TMEM135: variants seen among roughly 807,000 people sequenced by gnomAD.
The protein encoded by TMEM135 is peroxisomal membrane protein 52.
Under a neutral mutation model 60.3 loss-of-function variants are expected in TMEM135, and 30 were observed. The ratio of observed to expected loss-of-function variants is 0.50; its 90% confidence interval spans 0.37 to 0.68. The LOEUF (loss-of-function observed/expected upper bound fraction) is 0.68, where lower values mean the gene tolerates loss of function less well. Among genes scored for constraint, TMEM135 ranks in the 30% least tolerant of loss-of-function variants. The probability of loss-of-function intolerance (pLI) is 0.00; values close to 1 mark genes in which losing one functional copy is unlikely to be tolerated. For synonymous variants in TMEM135, 190 were observed against 186.7 expected, an observed-to-expected ratio of 1.02 and a Z score of -0.14; for missense variants, 468 against 548.8, an observed-to-expected ratio of 0.85 and a Z score of 1.47.
At chr11:87,112,029 T>C (rs1028743930) in intron 4 of TMEM135, among the ~76,000 whole-genome samples, 6 of 152,206 alleles carry the variant, frequency 3.9e-5, no homozygotes, top group Admixed American at 3.9e-4. Flanking sequence ...TTTTAAATAG[T>C]GATACCAGGA....
At chr11:87,153,731 A>T (rs745821138) in intron 4 of TMEM135, among the ~76,000 whole-genome samples, 1 of 152,228 alleles carries the variant, frequency 6.6e-6, no homozygotes, top group African/African-American at 2.4e-5. Context: ...AATTGACTCT[A>T]TCGCTAATTC....
At chr11:87,174,557 G>T (rs947561961) in intron 5 of TMEM135, among the ~76,000 whole-genome samples, 18 of 152,218 alleles carry the variant, frequency 1.2e-4, no homozygotes, top group African/African-American at 4.1e-4. Flanking sequence ...AGCATGTGGG[G>T]AGAATGGATA....
At position 87,066,779 on chromosome 11, in the gene TMEM135, C is replaced by CTTTT. The variant is rs201355341; in HGVS notation, c.142-912_142-911insTTTT. 1.2e-4 allele frequency among the ~76,000 whole-genome samples: 15 copies of CTTTT among 129,130 alleles called. 1 individual carries two copies. Among genetic ancestry groups the CTTTT allele is most frequent in the South Asian group, 2.5e-4 (1 of 4,040 alleles). The allele number at this position is 129,130 out of a possible 152,430, so 84.7% of individuals were successfully genotyped here. A position where few individuals can be genotyped will look rare whatever the true frequency, so the allele number is the denominator to read the frequency against. On this transcript the variant is annotated intron_variant, in intron 1 of 14. Coordinates refer to ENST00000305494, the MANE Select transcript of TMEM135 (RefSeq NM_022918.4). ...TACATACTTGTGTTGTTACTAGATTCTTTCTTTTTTTTTTTTTTTTGAGAC... is the reference window on the plus strand; with the variant it reads ...TACATACTTGTGTTGTTACTAGATTCTTTTTTTCTTTTTTTTTTTTTTTTGAGAC...
chr11:87,272,744 G>A (rs961091183), intron 6 of TMEM135, among the ~76,000 whole-genome samples: 1 of 152,116 alleles, frequency 6.6e-6, no homozygotes, highest in African/African-American at 2.4e-5. Context: ...CTACAGATGT[G>A]AGCCATCATA....
chr11:87,127,633 T>G (rs1937773523), intron 4 of TMEM135, among the ~76,000 whole-genome samples: 2 of 152,188 alleles, frequency 1.3e-5, no homozygotes, highest in South Asian at 4.1e-4. Context: ...TAGTCTTCAG[T>G]AGACTAAGTT....
intron 6 of TMEM135, among the ~76,000 whole-genome samples, chr11:87,237,468 G>A (rs1941023130): frequency 1.3e-5 from 2 of 152,010 alleles, no homozygotes; most frequent in South Asian, 4.1e-4. Flanking sequence ...ATTAAAATCT[G>A]TGCTTAATTA....
intron 4 of TMEM135, among the ~76,000 whole-genome samples, chr11:87,120,113 C>CTTTTTTT (rs200904925): frequency 1.5e-5 from 2 of 135,022 alleles, no homozygotes; most frequent in Admixed American, 7.8e-5. Flanking sequence ...TTTTCTTCTT[C>CTTTTTTT]TTCTTTTTTT....
chr11:87,130,647 T>C (rs1386694956), intron 4 of TMEM135, among the ~76,000 whole-genome samples: 1 of 152,104 alleles, frequency 6.6e-6, no homozygotes, highest in Non-Finnish European at 1.5e-5. Context: ...GTTAAACCTT[T>C]TGTAATTTTA....
In TMEM135 at chr11:87,321,299, C is replaced by A; in HGVS notation, c.1343C>A (p.Thr448Asn). ...FIPRLDPRYT[T>N]VTPELPTEFS The stretch of plus-strand genomic sequence containing the variant: ...CCCAGGTTGGATCCAAGATACACAA[C>A]TGTAACACCAGAGTTGCCCACAGAG... Residue 448 changes from threonine to asparagine, a missense_variant, in exon 15 of 15, where the codon ACT becomes AAT. Coordinates refer to ENST00000305494, the MANE Select transcript of TMEM135 (RefSeq NM_022918.4). The A allele has an allele frequency of 6.2e-7, 1 of 1,613,754 alleles. No homozygotes were observed. The highest frequency in any genetic ancestry group is 8.5e-7 in the Non-Finnish European group (1 of 1,179,720).
chr11:87,259,408 G>C (rs998943432), intron 6 of TMEM135: 1 of 235,692 alleles, frequency 4.2e-6, no homozygotes, highest in Non-Finnish European at 8.5e-6. Flanking sequence ...GTGTGTACGC[G>C]TGTAGAGCGG....
chr11:87,072,473 C>T (rs920362618), intron 3 of TMEM135, among the ~76,000 whole-genome samples: 4 of 152,060 alleles, frequency 2.6e-5, no homozygotes, highest in African/African-American at 7.2e-5. Context: ...CTCCGCCTCC[C>T]GAGTTCAAGC....
At chr11:87,267,985 C>T (rs1211930400) in intron 6 of TMEM135, among the ~76,000 whole-genome samples, 2 of 151,922 alleles carry the variant, frequency 1.3e-5, no homozygotes, top group Non-Finnish European at 2.9e-5. Flanking sequence ...AGCCACCACG[C>T]CCGGCCATGA....
At chr11:87,151,505 A>G (rs1211389530) in intron 4 of TMEM135, among the ~76,000 whole-genome samples, 2 of 152,092 alleles carry the variant, frequency 1.3e-5, no homozygotes, top group East Asian at 1.9e-4. Context: ...CTTTCCTGTT[A>G]AAGGAATTCC....
chr11:87,092,941 T>G (rs1215813918), intron 4 of TMEM135, among the ~76,000 whole-genome samples: 1 of 152,148 alleles, frequency 6.6e-6, no homozygotes, highest in Non-Finnish European at 1.5e-5. Context: ...TTTATTTAGC[T>G]TGATCAGAAC....
intron 1 of TMEM135, among the ~76,000 whole-genome samples, chr11:87,061,183 C>A (rs777982023): frequency 5.9e-5 from 9 of 152,134 alleles, no homozygotes; most frequent in Admixed American, 2.6e-4. Context: ...CTGGAACTAA[C>A]ATATTCAAAA....
At chr11:87,234,928 G>T (rs1372081331) in intron 5 of TMEM135, among the ~76,000 whole-genome samples, 1 of 152,008 alleles carries the variant, frequency 6.6e-6, no homozygotes, top group African/African-American at 2.4e-5. Context: ...GATGAAGAGT[G>T]TGTGAAAGAT....
At chr11:87,242,284 C>T (rs1941156053) in intron 6 of TMEM135, among the ~76,000 whole-genome samples, 1 of 151,908 alleles carries the variant, frequency 6.6e-6, no homozygotes, top group Non-Finnish European at 1.5e-5. Flanking sequence ...TAAGTCTTTG[C>T]TATTGTGAAT....
intron 5 of TMEM135, among the ~76,000 whole-genome samples, chr11:87,173,348 C>T (rs1390822694): frequency 6.6e-6 from 1 of 152,032 alleles, no homozygotes; most frequent in Non-Finnish European, 1.5e-5. Flanking sequence ...ATCTAGTGTT[C>T]CTTCTTTTTT....
intron 6 of TMEM135, chr11:87,259,172 G>T: frequency 3.4e-6 from 2 of 586,814 alleles, no homozygotes; most frequent in South Asian, 1.8e-5. Context: ...TCTCCTCGTC[G>T]TCCTCCTCCA....
Sources: allele counts gnomAD v4.1 joint callset (sites outside exome capture counted in the v4.1 genomes callset), GRCh38; gene constraint gnomAD v4.1.1; transcripts MANE v1.5; gene names NCBI Gene and HGNC (gene_info 2026-07-23, HGNC 2026-07-21).